SAMD5: variants seen among roughly 807,000 people sequenced by gnomAD.
The protein encoded by SAMD5 is sterile alpha motif domain containing 5.
Under a neutral mutation model 11.3 loss-of-function variants are expected in SAMD5, and 13 were observed. The observed-to-expected ratio is 1.15, with a 90% confidence interval of 0.75 to 1.83. The LOEUF (loss-of-function observed/expected upper bound fraction) is 1.83, where lower values mean the gene tolerates loss of function less well. Ranked by LOEUF, SAMD5 falls within the 40% of genes most tolerant of loss-of-function variation. The probability of loss-of-function intolerance (pLI) is 0.00; values close to 1 mark genes in which losing one functional copy is unlikely to be tolerated. For synonymous variants in SAMD5, 129 were observed against 111.3 expected (o/e 1.16, Z -1.00); for missense variants, 255 against 239.1 (o/e 1.07, Z -0.44).
At chr6:147,601,936 T>C (rs1243041532) in intron 1 of SAMD5, among the ~76,000 whole-genome samples, 1 of 152,212 alleles carries the variant, frequency 6.6e-6, no homozygotes, top group East Asian at 1.9e-4. Context: ...TTCACTTGAA[T>C]TAGCACTCGA....
At chr6:147,896,798 G>A in the SAMD5 span, among the ~76,000 whole-genome samples, 1 of 149,162 alleles carries the variant, frequency 6.7e-6, no homozygotes, top group African/African-American at 2.5e-5. Context: ...TGTGCAGTTT[G>A]GGGATTTGGC....
chr6:147,656,831 G>T (rs1790575130), intron 1 of SAMD5, among the ~76,000 whole-genome samples: 1 of 151,610 alleles, frequency 6.6e-6, no homozygotes, highest in South Asian at 2.1e-4. Context: ...ATATGCATTT[G>T]GTTTCTATCC....
intron 1 of SAMD5, among the ~76,000 whole-genome samples, chr6:147,716,973 C>G (rs1562358822): frequency 6.6e-6 from 1 of 152,182 alleles, no homozygotes. Context: ...CTCACTCCTT[C>G]CAGCCTATTC....
the SAMD5 span, among the ~76,000 whole-genome samples, chr6:147,887,089 CA>C: frequency 6.6e-6 from 1 of 151,876 alleles, no homozygotes; most frequent in Non-Finnish European, 1.5e-5. Flanking sequence ...TGCTAAGTTT[CA>C]AAAAAAATTG....
chr6:147,807,295 G>A, the SAMD5 span, among the ~76,000 whole-genome samples: 6 of 152,010 alleles, frequency 3.9e-5, no homozygotes, highest in Non-Finnish European at 5.9e-5. Context: ...AGTAGAGACA[G>A]GGTTACAGCG....
At chr6:147,821,826 A>G in the SAMD5 span, among the ~76,000 whole-genome samples, 1,131 of 152,246 alleles carry the variant, frequency 7.4e-3, 18 homozygotes, top group African/African-American at 0.026. Context: ...ATTGTATTTT[A>G]TAAGTATGTC....
chr6:147,745,824 G>C, the SAMD5 span, among the ~76,000 whole-genome samples: 1 of 149,654 alleles, frequency 6.7e-6, no homozygotes, highest in Non-Finnish European at 1.5e-5. Context: ...TATCACCCCG[G>C]CTGGACTATG....
chr6:147,763,642 G>A, the SAMD5 span, among the ~76,000 whole-genome samples: 7 of 151,774 alleles, frequency 4.6e-5, no homozygotes, highest in East Asian at 7.8e-4. Flanking sequence ...GTGCAGTGGC[G>A]CGATTTTGGC....
chr6:147,508,918 C>T lies in SAMD5; in HGVS notation c.-11C>T, dbSNP rs1401421209. The T allele has an allele frequency of 6.3e-7, 1 of 1,586,282 alleles. No individual in the cohort carries two copies. The highest frequency in any genetic ancestry group is 1.8e-5 in the Admixed American group (1 of 56,316). The stretch of plus-strand genomic sequence containing the variant: ...GGGAAGGTGCTCGGCGGCGGGGTTC[C>T]CGGTCCCACCATGTGCACCAACATA... On this transcript the variant is annotated 5_prime_UTR_variant, in exon 1 of 2. Transcript: ENST00000367474.
chr6:147,860,136 G>A, the SAMD5 span, among the ~76,000 whole-genome samples: 1 of 152,100 alleles, frequency 6.6e-6, no homozygotes, highest in Non-Finnish European at 1.5e-5. Context: ...GGCTCCAGGG[G>A]AGGATCCCTT....
the SAMD5 span, among the ~76,000 whole-genome samples, chr6:147,747,326 TGGCCCTGCAAATGGAGGGGCA>T: frequency 6.6e-6 from 1 of 152,184 alleles, no homozygotes; most frequent in Admixed American, 6.5e-5. Context: ...CCTGAGGGAC[TGGCCCTGCAAATGGAGGGGCA>T]GGATGTTGTT....
chr6:147,944,335 G>A, the SAMD5 span, among the ~76,000 whole-genome samples: 4 of 152,164 alleles, frequency 2.6e-5, no homozygotes, highest in Non-Finnish European at 4.4e-5. Context: ...CAATCATGGC[G>A]AAGGAAAGGA....
the SAMD5 span, among the ~76,000 whole-genome samples, chr6:147,790,756 T>TC: frequency 1.1e-3 from 32 of 28,940 alleles, no homozygotes; most frequent in Non-Finnish European, 1.4e-3. Context: ...CTCTCTCTCT[T>TC]TCTCTCTCTC....
At chr6:147,868,902 A>G in the SAMD5 span, among the ~76,000 whole-genome samples, 1 of 152,200 alleles carries the variant, frequency 6.6e-6, no homozygotes, top group East Asian at 1.9e-4. Flanking sequence ...TGTACCAAAG[A>G]CATGACCAAA....
chr6:147,712,808 TAAAAAA>T (rs577741223), intron 1 of SAMD5, among the ~76,000 whole-genome samples: 10 of 123,878 alleles, frequency 8.1e-5, no homozygotes, highest in Non-Finnish European at 1.3e-4. Context: ...TCTGGAACTA[TAAAAAA>T]AAAAAAAAGT....
chr6:147,717,375 A>T (rs1212775730), intron 1 of SAMD5, among the ~76,000 whole-genome samples: 1 of 152,144 alleles, frequency 6.6e-6, no homozygotes, highest in East Asian at 1.9e-4. Context: ...CTGATTTTTC[A>T]TGGATCCGTA....
chr6:147,865,127 C>T, the SAMD5 span, among the ~76,000 whole-genome samples: 2 of 152,194 alleles, frequency 1.3e-5, no homozygotes, highest in Non-Finnish European at 2.9e-5. Context: ...TTCCATGAAT[C>T]ATATTCTTTC....
chr6:147,616,754 G>C (rs1290728148), intron 1 of SAMD5, among the ~76,000 whole-genome samples: 2 of 152,144 alleles, frequency 1.3e-5, no homozygotes, highest in Non-Finnish European at 2.9e-5. Context: ...CATGGCAGAA[G>C]GTGAAGGAGA....
intron 1 of SAMD5, among the ~76,000 whole-genome samples, chr6:147,613,260 G>A (rs34214287): frequency 0.081 from 12,365 of 151,944 alleles, 788 homozygotes; most frequent in East Asian, 0.28. Context: ...GTGTAGTACA[G>A]GAGGAGTGCG....
Sources: gnomAD v4.1 joint callset for allele counts (sites outside exome capture counted in the v4.1 genomes callset) on GRCh38, gnomAD v4.1.1 for gene constraint, MANE v1.5 for transcripts, NCBI Gene and HGNC (gene_info 2026-07-23, HGNC 2026-07-21) for gene names.